Variants in TACC1 observed in about 807,000 individuals in gnomAD.
TACC1 encodes transforming acidic coiled-coil containing protein 1.
Under a neutral mutation model 84.4 loss-of-function variants are expected in TACC1, and 48 were observed. That is an observed-to-expected ratio of 0.57 (90% CI 0.45 to 0.72). The LOEUF (loss-of-function observed/expected upper bound fraction) is 0.72, where lower values mean the gene tolerates loss of function less well. Among genes scored for constraint, TACC1 ranks in the 30% least tolerant of loss-of-function variants. The pLI, the probability that TACC1 is intolerant of heterozygous loss-of-function variation, is 0.00. For synonymous variants in TACC1, 372 were observed against 376.3 expected, an observed-to-expected ratio of 0.99 and a Z score of 0.13; for missense variants, 920 against 973.0, an observed-to-expected ratio of 0.95 and a Z score of 0.72.
chr8:38,793,744 T>G (rs946804719), intron 2 of TACC1, among the ~76,000 whole-genome samples: 3 of 152,050 alleles, frequency 2.0e-5, no homozygotes, highest in African/African-American at 7.2e-5. Context: ...ACCACTGTCA[T>G]CCCCATAAAT....
chr8:38,842,474 T>G, intron 10 of TACC1, 27 bp downstream of exon 10: 1 of 1,587,582 alleles, frequency 6.3e-7, no homozygotes, highest in Non-Finnish European at 8.6e-7. Flanking sequence ...CTCTGTCTCC[T>G]GGTGTATTTC....
Position 38,846,748 on chromosome 8 carries a change from G to A in TACC1, c.2278G>A (p.Ala760Thr), listed in dbSNP as rs776592976. The A allele has an allele frequency of 6.2e-7, 1 of 1,614,174 alleles. No individual in the cohort carries two copies. Among genetic ancestry groups the A allele is most frequent in the Admixed American group, 1.7e-5 (1 of 60,030 alleles). ...QVRTKAKAES[A>T]ALHAGLRKEQ... ...TCGAACAAAAGCAAAGGCTGAGAGT[G>A]CAGCTCTCCATGCTGGACTCCGCAA... The change falls in exon 12 of 13, where the codon GCA becomes ACA. Residue 760 changes from alanine (A) to threonine (T), a missense_variant. This residue lies in a region of TACC1 where 158 missense variants were observed against 225.6 expected (regional missense o/e 0.70). Transcript: ENST00000317827.
In TACC1 at chr8:38,852,723, T is replaced by C. The variant is rs1833262728; in HGVS notation, c.*4700T>C. 2.6e-5 allele frequency: 4 copies of C among 152,626 alleles called. No homozygotes were observed. Among genetic ancestry groups the C allele is most frequent in the African/African-American group, 4.8e-5 (2 of 41,430 alleles). 9.5% of individuals were successfully genotyped at this position (152,626 alleles called of 1,614,324 possible). ...CTGTTAGCAAGTGTGTGTTTGCCAA[T>C]AGATACCCATTATACTAATGTGCCA... On this transcript the variant is annotated 3_prime_UTR_variant, in exon 13 of 13. Coordinates refer to ENST00000317827, the MANE Select transcript of TACC1 (RefSeq NM_006283.3).
upstream of TACC1, chr8:38,787,127 G>GCGCCGC (rs1187587294): frequency 1.1e-5 from 11 of 983,866 alleles, no homozygotes; most frequent in Non-Finnish European, 1.3e-5. Flanking sequence ...CAAAGCCCCG[G>GCGCCGC]CGCCGCCGCC....
At chr8:38,774,203 C>T (rs1487507271) in intron 3 of TACC1, among the ~76,000 whole-genome samples, 1 of 152,220 alleles carries the variant, frequency 6.6e-6, no homozygotes, top group African/African-American at 2.4e-5. Context: ...GAGCAACCTC[C>T]CTTGACATCT....
chr8:38,818,216 A>G (rs560373080), intron 2 of TACC1, among the ~76,000 whole-genome samples: 4 of 152,320 alleles, frequency 2.6e-5, no homozygotes, highest in African/African-American at 7.2e-5. Context: ...AGCCTGGGTA[A>G]CAGAGACACT....
rs767518100 is a variant in TACC1, at chr8:38,820,172, G to T, written c.928G>T (p.Gly310Trp). 1.2e-6 allele frequency: 2 copies of T among 1,614,142 alleles called. No individual in the cohort carries two copies. Among genetic ancestry groups the T allele is most frequent in the Non-Finnish European group, 1.7e-6 (2 of 1,180,024 alleles). The part of the protein sequence containing the change: ...SDTNDSGVEL[G>W]EESRSSPLKL... ...CACCAACGACTCAGGGGTTGAGCTG[G>T]GGGAGGAGTCGAGGAGCTCACCTCT... is the stretch of plus-strand genomic sequence containing the variant. Residue 310 changes from glycine (G) to tryptophan (W), a missense_variant, in exon 3 of 13, where the codon GGG becomes TGG. Transcript: ENST00000317827.
intron 11 of TACC1, among the ~76,000 whole-genome samples, chr8:38,843,880 C>T (rs953658785): frequency 6.6e-6 from 1 of 152,094 alleles, no homozygotes; most frequent in African/African-American, 2.4e-5. Flanking sequence ...TAATAAGTGA[C>T]CTGGTAGGTG....
intron 2 of TACC1, among the ~76,000 whole-genome samples, chr8:38,790,096 A>G (rs1818286027): frequency 1.3e-5 from 2 of 152,196 alleles, no homozygotes; most frequent in South Asian, 4.1e-4. Flanking sequence ...GCTCTTCTGA[A>G]GGCTCCAGGA....
chr8:38,787,035 A>C (rs1817319116), upstream of TACC1, among the ~76,000 whole-genome samples: 1 of 151,700 alleles, frequency 6.6e-6, no homozygotes, highest in Non-Finnish European at 1.5e-5. Flanking sequence ...CTCCCCGCGC[A>C]GCCGGCAAGC....
At chr8:38,787,232 G>GCGGGAGTCCGCGAGCCGGGAGC, upstream of TACC1, 1 of 1,006,962 alleles carries the variant, frequency 9.9e-7, no homozygotes, top group Non-Finnish European at 1.2e-6. Flanking sequence ...CGGCCGGGAG[G>GCGGGAGTCCGCGAGCCGGGAGC]CGGGAGTCCG....
rs201950365 is a variant in TACC1 at position 38,732,157 on chromosome 8, AAAGG to A, written c.-675+3510_-675+3513del. Among the ~76,000 whole-genome samples the A allele has an allele frequency of 1.0e-3, 151 of 147,688 alleles. 1 individual carries two copies. The South Asian group carries it at 0.013, about 12-fold the overall frequency. On this transcript the variant is annotated intron_variant, in intron 1 of 14. Transcript: ENST00000518415. ...AAGAAAGAAAAGAAAAGAAAAGAAG[AAAGG>A]AAGGAAGGAAGGAAGGAAGGAAGAG... is the stretch of plus-strand genomic sequence containing the variant.
In TACC1 at chr8:38,812,842, C is replaced by G. The variant is rs1334933443; in HGVS notation, c.278-6680C>G. ...CTCTAAACTGCATGAGAACAGAGCC[C>G]TCCTCTTTTTTGCTTGCTGTTACGT... On this transcript the variant is annotated intron_variant, in intron 2 of 12. Transcript: ENST00000317827. 3.9e-5 allele frequency among the ~76,000 whole-genome samples: 6 copies of G among 152,186 alleles called. No homozygotes were observed. The East Asian group carries it at 1.2e-3, about 29-fold the overall frequency.
chr8:38,741,322 A>AT (rs987566656), intron 1 of TACC1, among the ~76,000 whole-genome samples: 4 of 151,564 alleles, frequency 2.6e-5, no homozygotes, highest in Non-Finnish European at 5.9e-5. Context: ...TGCCTGGCTG[A>AT]TTTTTTTTGT....
rs576483161 is a variant in TACC1 at position 38,752,466 on chromosome 8, G to A, written c.26+6973G>A. 1.5e-3 allele frequency among the ~76,000 whole-genome samples: 229 copies of A among 152,170 alleles called. 1 individual carries two copies. Among genetic ancestry groups the A allele is most frequent in the African/African-American group, 5.1e-3 (211 of 41,512 alleles). On this transcript the variant is annotated intron_variant, in intron 3 of 14. Transcript: ENST00000518415. ...AGCCTGGGCGACAGAGCGAGACTCT[G>A]TCTCAAAACAAAAATAAAAACAAAA...
At chr8:38,737,730 C>CTTTT (rs11327216) in intron 1 of TACC1, among the ~76,000 whole-genome samples, 69 of 143,400 alleles carry the variant, frequency 4.8e-4, no homozygotes, top group African/African-American at 1.7e-3. Context: ...GGGAGCCATT[C>CTTTT]TTTTTTTTTT....
chr8:38,757,696 C>T (rs887714289), intron 3 of TACC1, among the ~76,000 whole-genome samples: 1 of 151,976 alleles, frequency 6.6e-6, no homozygotes, highest in Non-Finnish European at 1.5e-5. Flanking sequence ...GGACCCCGGC[C>T]TCGTCCAAGC....
intron 1 of TACC1, among the ~76,000 whole-genome samples, chr8:38,739,621 A>G (rs1450545595): frequency 1.3e-5 from 2 of 152,206 alleles, no homozygotes; most frequent in African/African-American, 4.8e-5. Flanking sequence ...CTGACTGCCT[A>G]AATGATTTTT....
chr8:38,794,353 T>A (rs2152032410), intron 2 of TACC1, among the ~76,000 whole-genome samples: 1 of 152,276 alleles, frequency 6.6e-6, no homozygotes, highest in East Asian at 1.9e-4. Context: ...CCCAGGCTGG[T>A]CTCGAACTCC....
Sources: gnomAD v4.1 joint callset for allele counts (sites outside exome capture counted in the v4.1 genomes callset) on GRCh38, gnomAD v4.1.1 for gene constraint, gnomAD v4.1.1 regional missense constraint, MANE v1.5 for transcripts, NCBI Gene and HGNC (gene_info 2026-07-23, HGNC 2026-07-21) for gene names.